RIMBP2: variants seen among roughly 807,000 people sequenced by gnomAD.
The protein encoded by RIMBP2 is RIMS-binding protein 2.
Under a neutral mutation model 118.6 loss-of-function variants are expected in RIMBP2, and 48 were observed. That is an observed-to-expected ratio of 0.40 (90% confidence interval 0.32 to 0.51). The LOEUF (loss-of-function observed/expected upper bound fraction) is 0.51. Among genes scored for constraint, RIMBP2 ranks in the 20% least tolerant of loss-of-function variants. The pLI is 0.41. For missense variants in RIMBP2, 1,551 were observed against 1,768.3 expected (o/e 0.88, Z 2.20); for synonymous variants, 762 against 742.9 (o/e 1.03, Z -0.42).
chr12:130,631,523 CA>C (rs1276315737), intron 1 of RIMBP2, among the ~76,000 whole-genome samples: 1 of 152,056 alleles, frequency 6.6e-6, no homozygotes, highest in East Asian at 1.9e-4. Context: ...AACCAGAGGC[CA>C]GTAGCACACA....
chr12:130,434,941 C>A lies in RIMBP2; in HGVS notation c.2107-61G>T. Reference sequence around the variant, plus strand: ...GGCCACCTTCAGCTACGCTCAGCCCCACCTGCATTCACCAAACCTTCAGCC... The same window carrying A: ...GGCCACCTTCAGCTACGCTCAGCCCAACCTGCATTCACCAAACCTTCAGCC... On this transcript the variant is annotated intron_variant, in intron 13 of 22. Coordinates refer to ENST00000690449, the MANE Select transcript of RIMBP2 (RefSeq NM_001393629.1). The surrounding 1 kb of genome is among the most constrained non-coding windows in gnomAD (Gnocchi z 5.7). 6.6e-7 allele frequency: 1 copy of A among 1,510,962 alleles called. No individual in the cohort carries two copies. The highest frequency in any genetic ancestry group is 8.9e-7 in the Non-Finnish European group (1 of 1,124,976). 93.6% of individuals were successfully genotyped at this position (1,510,962 alleles called of 1,614,324 possible). A position where few individuals can be genotyped will look rare whatever the true frequency, so the allele number is the denominator to read the frequency against.
chr12:130,514,384 A>G lies in RIMBP2; in HGVS notation c.-127+3444T>C, dbSNP rs1005149593. On this transcript the variant is annotated intron_variant, in intron 3 of 22. Transcript: ENST00000690449. ...GAATCCTGCGGGAGCAGGGATGTCA[A>G]GCTGCACTACCAGCCATCCAGGAAA... 4.6e-5 allele frequency among the ~76,000 whole-genome samples: 7 copies of G among 152,352 alleles called. No individual in the cohort carries two copies. In the South Asian group the frequency reaches 1.0e-3, roughly 23 times the overall value.
At chr12:130,629,346 T>A (rs2061840081) in intron 1 of RIMBP2, among the ~76,000 whole-genome samples, 1 of 152,224 alleles carries the variant, frequency 6.6e-6, no homozygotes, top group African/African-American at 2.4e-5. Context: ...TCCTGACAGC[T>A]GTTAGGCCCA....
At chr12:130,462,064 G>C (rs1001269130) in intron 6 of RIMBP2, among the ~76,000 whole-genome samples, 4 of 152,238 alleles carry the variant, frequency 2.6e-5, no homozygotes, top group Admixed American at 2.6e-4. Flanking sequence ...GCTGCTGGCC[G>C]TGGTGCTGCT....
intron 1 of RIMBP2, among the ~76,000 whole-genome samples, chr12:130,681,540 T>TA (rs1566452935): frequency 6.6e-6 from 1 of 152,064 alleles, no homozygotes; most frequent in African/African-American, 2.4e-5. Flanking sequence ...TTGATTTTTT[T>TA]TAAAAAAATC....
At chr12:130,626,534 C>A (rs564858736) in intron 2 of RIMBP2, among the ~76,000 whole-genome samples, 1 of 151,900 alleles carries the variant, frequency 6.6e-6, no homozygotes, top group East Asian at 2.0e-4. Flanking sequence ...CCACCATCTT[C>A]TCCATTACCA....
intron 1 of RIMBP2, among the ~76,000 whole-genome samples, chr12:130,669,676 A>T (rs1320473344): frequency 2.0e-5 from 3 of 152,140 alleles, no homozygotes; most frequent in African/African-American, 7.2e-5. Context: ...TCTTTCCTTT[A>T]TAAATTACCT....
At chr12:130,400,670 A>G (rs931453965) in intron 21 of RIMBP2, among the ~76,000 whole-genome samples, 11 of 152,228 alleles carry the variant, frequency 7.2e-5, no homozygotes, top group African/African-American at 2.7e-4. Flanking sequence ...TGTGCAGTGA[A>G]GGACACAGCA....
chr12:130,637,795 G>T (rs2062418131), intron 1 of RIMBP2, among the ~76,000 whole-genome samples: 2 of 152,154 alleles, frequency 1.3e-5, no homozygotes, highest in Admixed American at 1.3e-4. Flanking sequence ...CTGGCTTGGG[G>T]TACCTTCCTG....
At chr12:130,595,030 G>T (rs922772527) in intron 2 of RIMBP2, among the ~76,000 whole-genome samples, 2 of 152,268 alleles carry the variant, frequency 1.3e-5, no homozygotes, top group South Asian at 4.1e-4. Context: ...CGTTATTAAG[G>T]CCATTAAATC....
At chr12:130,607,465 T>G (rs2060259101) in intron 2 of RIMBP2, among the ~76,000 whole-genome samples, 1 of 152,094 alleles carries the variant, frequency 6.6e-6, no homozygotes, top group Admixed American at 6.5e-5. Context: ...CGTGGCTACT[T>G]GTGCATCCGT....
intron 1 of RIMBP2, among the ~76,000 whole-genome samples, chr12:130,694,930 C>T (rs2065496286): frequency 6.6e-6 from 1 of 152,184 alleles, no homozygotes; most frequent in Non-Finnish European, 1.5e-5. Context: ...AAACAGAACC[C>T]AGTGCCTGAG....
At chr12:130,481,697 G>A (rs1318005811) in intron 4 of RIMBP2, among the ~76,000 whole-genome samples, 1 of 152,206 alleles carries the variant, frequency 6.6e-6, no homozygotes, top group East Asian at 1.9e-4. Context: ...TCACTCTGGG[G>A]CCAGATGGGC....
intron 4 of RIMBP2, among the ~76,000 whole-genome samples, chr12:130,489,604 T>C (rs904080488): frequency 6.6e-6 from 1 of 152,212 alleles, no homozygotes; most frequent in African/African-American, 2.4e-5. Flanking sequence ...CCACGGTCTC[T>C]GCTCCTGACT....
In RIMBP2 at chr12:130,450,122, C is replaced by A. The variant is rs1277775417; in HGVS notation, c.581+78G>T. On this transcript the variant is annotated intron_variant, in intron 9 of 22. Transcript: ENST00000690449. This position sits in a 1 kb window ranked among gnomAD's most constrained non-coding sequence, Gnocchi z 4.8. Reference sequence around the variant, plus strand: ...CCCTGGGAGAAGGGAACTTCTCAGACCCCAGAGTGTTCCCAGACCCAACAT... The same window carrying A: ...CCCTGGGAGAAGGGAACTTCTCAGAACCCAGAGTGTTCCCAGACCCAACAT... 7.5e-6 allele frequency: 7 copies of A among 932,398 alleles called. No homozygotes were observed. The Admixed American group carries it at 1.0e-4, about 14-fold the overall frequency. 57.8% of individuals were successfully genotyped at this position (932,398 alleles called of 1,614,324 possible). A position where few individuals can be genotyped will look rare whatever the true frequency, so the allele number is the denominator to read the frequency against.
chr12:130,476,908 C>T (rs1053724238), intron 5 of RIMBP2, among the ~76,000 whole-genome samples: 3 of 152,172 alleles, frequency 2.0e-5, no homozygotes, highest in South Asian at 2.1e-4. Context: ...GACGGTACGA[C>T]GGAGCTGGTC....
chr12:130,606,256 T>C (rs2060180365), intron 2 of RIMBP2, among the ~76,000 whole-genome samples: 1 of 152,332 alleles, frequency 6.6e-6, no homozygotes. Flanking sequence ...TGTCTGTATG[T>C]TTCTGAGAAA....
intron 2 of RIMBP2, among the ~76,000 whole-genome samples, chr12:130,602,936 GAGA>G (rs1466078050): frequency 1.3e-5 from 2 of 152,158 alleles, no homozygotes; most frequent in African/African-American, 2.4e-5. Context: ...CCCGGAAGAG[GAGA>G]AGAACATATT....
intron 2 of RIMBP2, among the ~76,000 whole-genome samples, chr12:130,606,093 G>GA (rs1387052673): frequency 2.0e-5 from 3 of 149,900 alleles, no homozygotes; most frequent in East Asian, 3.9e-4. Context: ...AGAAAAGAGA[G>GA]GAAAAAAAAG....
Sources: allele counts gnomAD v4.1 joint callset (sites outside exome capture counted in the v4.1 genomes callset), GRCh38; gene constraint gnomAD v4.1.1; non-coding constraint Gnocchi (gnomAD v3.1); transcripts MANE v1.5; gene names NCBI Gene and HGNC (gene_info 2026-07-23, HGNC 2026-07-21).